MICAL2: variants seen among roughly 807,000 people sequenced by gnomAD.
MICAL2 encodes the protein [F-actin]-monooxygenase MICAL2.
MICAL2 carries 77 observed loss-of-function variants against 127.3 expected under a neutral mutation model. The ratio of observed to expected loss-of-function variants is 0.60; its 90% CI spans 0.50 to 0.73. The LOEUF is 0.73. MICAL2 is among the 30% of genes least tolerant of loss of function. The pLI, the probability that MICAL2 is intolerant of heterozygous loss-of-function variation, is 0.00. For missense variants in MICAL2, 1,351 were observed against 1,434.4 expected (o/e 0.94, Z 0.94); for synonymous variants, 570 against 551.1 (o/e 1.03, Z -0.48).
intron 32 of MICAL2, among the ~76,000 whole-genome samples, chr11:12,330,035 T>C (rs573282507): frequency 5.9e-5 from 9 of 152,238 alleles, no homozygotes; most frequent in East Asian, 1.9e-4. Flanking sequence ...TGGGCCTTTT[T>C]CCCATGATTG....
At chr11:12,169,054 G>T (rs1446882780) in intron 3 of MICAL2, among the ~76,000 whole-genome samples, 2 of 151,316 alleles carry the variant, frequency 1.3e-5, no homozygotes, top group Non-Finnish European at 1.5e-5. Context: ...AAAAAGGAAA[G>T]AAAATTTAGT....
chr11:12,238,339 C>G (rs1310176416), intron 16 of MICAL2, among the ~76,000 whole-genome samples: 2 of 152,174 alleles, frequency 1.3e-5, no homozygotes, highest in Admixed American at 6.5e-5. Context: ...TCACTGTTAG[C>G]AGATGAGCTA....
intron 18 of MICAL2, among the ~76,000 whole-genome samples, chr11:12,241,397 C>A (rs78181930): frequency 6.6e-6 from 1 of 152,170 alleles, no homozygotes; most frequent in African/African-American, 2.4e-5. Context: ...ACCATGCTCT[C>A]GATGGTGCTG....
intron 16 of MICAL2, among the ~76,000 whole-genome samples, chr11:12,239,046 T>C (rs2134447173): frequency 6.6e-6 from 1 of 152,326 alleles, no homozygotes; most frequent in East Asian, 1.9e-4. Flanking sequence ...GATGATGTAT[T>C]TTTGAAAACC....
At chr11:12,341,433 A>T (rs1413212994) in intron 32 of MICAL2, among the ~76,000 whole-genome samples, 1 of 150,152 alleles carries the variant, frequency 6.7e-6, no homozygotes, top group Admixed American at 6.7e-5. Flanking sequence ...AGAAGCCTTC[A>T]GCATTACCTA....
chr11:12,140,803 CCA>C (rs1852279646), intron 2 of MICAL2, among the ~76,000 whole-genome samples: 1 of 152,298 alleles, frequency 6.6e-6, no homozygotes, highest in South Asian at 2.1e-4. Flanking sequence ...ATCTAATTGC[CCA>C]TGAATAATAC....
intron 1 of MICAL2, among the ~76,000 whole-genome samples, chr11:12,125,533 C>T (rs530697454): frequency 2.6e-5 from 4 of 151,314 alleles, no homozygotes; most frequent in African/African-American, 4.8e-5. Context: ...GGATTACAGG[C>T]GTGAGCCACC....
chr11:12,260,363 C>T (rs1862938550), intron 26 of MICAL2: 1 of 1,307,292 alleles, frequency 7.6e-7, no homozygotes, highest in African/African-American at 1.5e-5. Context: ...GTGCTAGGGC[C>T]AGGGATGATA....
chr11:12,124,841 T>C (rs955255712), intron 1 of MICAL2, among the ~76,000 whole-genome samples: 2 of 152,200 alleles, frequency 1.3e-5, no homozygotes, highest in East Asian at 3.9e-4. Context: ...GAAGTCTGTG[T>C]TCTTTGAGTC....
chr11:12,181,602 G>A (rs1482272662), intron 3 of MICAL2, among the ~76,000 whole-genome samples: 1 of 152,208 alleles, frequency 6.6e-6, no homozygotes, highest in Non-Finnish European at 1.5e-5. Context: ...AGGTAGATGT[G>A]TTTAACTTGC....
At position 12,254,152 on chromosome 11, in the gene MICAL2, C is replaced by T. The variant is rs1047058697; in HGVS notation, c.2848-1491C>T. 6.6e-5 allele frequency: 10 copies of T among 152,188 alleles called. 1 individual carries two copies. The highest frequency in any genetic ancestry group is 6.5e-4 in the Admixed American group (10 of 15,278). 9.4% of individuals were successfully genotyped at this position (152,188 alleles called of 1,614,324 possible). On this transcript the variant is annotated intron_variant, in intron 22 of 27. Transcript: ENST00000683283. ...GGTACAAAGGTCTTAGGAGCTCTGC[C>T]TCAGGAACCAGGGGGCAGAGTCCAA... is the stretch of plus-strand genomic sequence containing the variant.
chr11:12,186,416 G>T (rs1451816971), intron 3 of MICAL2, among the ~76,000 whole-genome samples: 2 of 152,130 alleles, frequency 1.3e-5, no homozygotes, highest in African/African-American at 4.8e-5. Flanking sequence ...ACTATCATTT[G>T]TAAAAGGCAT....
intron 23 of MICAL2, chr11:12,256,580 A>C: frequency 2.1e-6 from 1 of 476,674 alleles, no homozygotes; most frequent in Non-Finnish European, 3.7e-6. Context: ...GTCTGGGAGT[A>C]CAGTTAACAG....
At chr11:12,162,550 C>T (rs973912815) in intron 3 of MICAL2, 131 bp downstream of exon 3, 73 of 1,177,278 alleles carry the variant, frequency 6.2e-5, no homozygotes, top group South Asian at 4.5e-4. Context: ...TGTTTTCCTC[C>T]GGTAAAGGTT....
chr11:12,244,769 T>G (rs955228613), intron 21 of MICAL2, among the ~76,000 whole-genome samples: 12 of 152,040 alleles, frequency 7.9e-5, no homozygotes, highest in African/African-American at 2.9e-4. Context: ...TTACGTGACA[T>G]GGAAAGATGG....
At chr11:12,291,557 T>A (rs1863901467), downstream of MICAL2, among the ~76,000 whole-genome samples, 1 of 151,956 alleles carries the variant, frequency 6.6e-6, no homozygotes, top group African/African-American at 2.4e-5. Context: ...GAGCTTGGCA[T>A]GGGCCCACTC....
rs750635966 is a variant in MICAL2, at chr11:12,319,849, G to A, written c.5328+38G>A. On this transcript the variant is annotated intron_variant, in intron 30 of 34. Coordinates refer to the MICAL2 transcript ENST00000646065. The stretch of plus-strand genomic sequence containing the variant: ...GACCAGCCAAAGAGGGCCTTGGCTG[G>A]TGGGGGCTGCTTACCATCCAGATTT... 1.0e-5 allele frequency: 15 copies of A among 1,506,230 alleles called. No individual in the cohort carries two copies. In the South Asian group the frequency reaches 1.5e-4, roughly 15 times the overall value. The allele number at this position is 1,506,230 out of a possible 1,614,324, so 93.3% of individuals were successfully genotyped here.
At chr11:12,213,458 A>G (rs1388593667) in intron 7 of MICAL2, 48 bp downstream of exon 7, 1 of 1,586,702 alleles carries the variant, frequency 6.3e-7, no homozygotes, top group Non-Finnish European at 8.6e-7. Context: ...TAAAGTTTGC[A>G]GTTTCTAAAG....
In MICAL2 at chr11:12,329,681, G is replaced by A. The variant is rs563951759; in HGVS notation, c.5515+2415G>A. On this transcript the variant is annotated intron_variant, in intron 32 of 34. Transcript: ENST00000646065. ...AGTGTTGATAGGCAAAGTCTCTACC[G>A]GAGTATTGCCTAGGTTGTAGGCATT... Among the ~76,000 whole-genome samples the A allele has an allele frequency of 8.5e-5, 13 of 152,080 alleles. No homozygotes were observed. In the South Asian group the frequency reaches 1.9e-3, roughly 22 times the overall value.
Sources: gnomAD v4.1 joint callset for allele counts (sites outside exome capture counted in the v4.1 genomes callset) on GRCh38, gnomAD v4.1.1 for gene constraint, MANE v1.5 for transcripts, NCBI Gene and HGNC (gene_info 2026-07-23, HGNC 2026-07-21) for gene names.